Variants in JMJD1C observed in about 807,000 individuals in gnomAD.
The protein encoded by JMJD1C is jumonji domain containing 1C, also known as jumonji domain-containing protein 1C.
In JMJD1C, 31 loss-of-function variants were observed where a neutral mutation model predicts 245.3. The ratio of observed to expected loss-of-function variants is 0.13; its 90% CI spans 0.09 to 0.17. The LOEUF is 0.17. Ranked by LOEUF, JMJD1C falls within the 10% of genes least tolerant of loss-of-function variation. The pLI is 1.00. For missense variants in JMJD1C, 2,691 were observed against 3,000.2 expected, an observed-to-expected ratio of 0.90 and a Z score of 2.41; for synonymous variants, 1,057 against 1,017.4, an observed-to-expected ratio of 1.04 and a Z score of -0.74.
At chr10:63,367,438 G>C (rs1174706517) in intron 2 of JMJD1C, among the ~76,000 whole-genome samples, 2 of 151,980 alleles carry the variant, frequency 1.3e-5, no homozygotes, top group Non-Finnish European at 2.9e-5. Flanking sequence ...GAGAGATGGG[G>C]TTTCTCCATG....
chr10:63,363,484 A>G (rs977733446), intron 2 of JMJD1C, among the ~76,000 whole-genome samples: 6 of 151,544 alleles, frequency 4.0e-5, no homozygotes, highest in African/African-American at 1.5e-4. Flanking sequence ...CTGAGAACTC[A>G]TGAGTTCAGG....
At chr10:63,500,358 G>A (rs917374550) in intron 1 of JMJD1C, among the ~76,000 whole-genome samples, 1 of 151,888 alleles carries the variant, frequency 6.6e-6, no homozygotes, top group Non-Finnish European at 1.5e-5. Flanking sequence ...AGGAAGCAGA[G>A]GTTGCAATGA....
rs1287252081 is a variant in JMJD1C, at chr10:63,213,744, A to G, written c.2423T>C (p.Leu808Ser). The change falls in exon 8 of 26, where the codon TTA becomes TCA. Residue 808 changes from leucine to serine, a missense_variant. Physicochemically the swap from Leu to Ser is moderately radical, Grantham distance 145. Around this residue, in one of 9 missense-constraint regions of JMJD1C, gnomAD observed 1,562 missense variants for 1,490.7 expected, o/e 1.05. Transcript: ENST00000399262. ...CTCTAGTCGTGGGTGGCCACCAAGT[A>G]AGGAGGCAGTAGGCACTCCAGGTAA... The part of the protein sequence containing the change: ...TVLPGVPTAS[L>S]LGGHPRLESA... The G allele has an allele frequency of 4.3e-6, 7 of 1,614,024 alleles. No individual in the cohort carries two copies. Among genetic ancestry groups the G allele is most frequent in the African/African-American group, 2.7e-5 (2 of 74,936 alleles).
intron 2 of JMJD1C, among the ~76,000 whole-genome samples, chr10:63,346,971 T>C (rs1453316624): frequency 6.6e-6 from 1 of 151,996 alleles, no homozygotes; most frequent in Non-Finnish European, 1.5e-5. Flanking sequence ...CGGCCCTCCA[T>C]GATACATATT....
chr10:63,304,740 C>T (rs554664346), intron 2 of JMJD1C, among the ~76,000 whole-genome samples: 104 of 152,264 alleles, frequency 6.8e-4, no homozygotes, highest in Middle Eastern at 3.4e-3. Context: ...ATTGCTTTTA[C>T]TCTCTTTTAA....
chr10:63,247,732 A>AAG (rs1175257102), intron 3 of JMJD1C, among the ~76,000 whole-genome samples: 11 of 151,512 alleles, frequency 7.3e-5, no homozygotes, highest in Non-Finnish European at 1.6e-4. Flanking sequence ...AAAAAAAAAA[A>AAG]AAAAAAGAAA....
intron 15 of JMJD1C, 76 bp downstream of exon 15, chr10:63,193,269 C>G (rs1381308615): frequency 1.3e-6 from 2 of 1,506,574 alleles, no homozygotes; most frequent in East Asian, 4.5e-5. Flanking sequence ...AAGTCCTAAA[C>G]CAAATTTCAA....
At chr10:63,228,911 T>A (rs1849632814) in intron 3 of JMJD1C, among the ~76,000 whole-genome samples, 1 of 152,188 alleles carries the variant, frequency 6.6e-6, no homozygotes, top group Non-Finnish European at 1.5e-5. Context: ...GATTTTAATG[T>A]ACATAATTTA....
At chr10:63,416,853 TAAA>T (rs1317747378) in intron 1 of JMJD1C, among the ~76,000 whole-genome samples, 1 of 152,190 alleles carries the variant, frequency 6.6e-6, no homozygotes, top group Non-Finnish European at 1.5e-5. Context: ...TTTCCTTTGG[TAAA>T]AACTAAACAA....
At chr10:63,245,521 C>A (rs990547834) in intron 3 of JMJD1C, among the ~76,000 whole-genome samples, 1 of 113,258 alleles carries the variant, frequency 8.8e-6, no homozygotes, top group African/African-American at 3.5e-5. Flanking sequence ...TTGCTCTTGT[C>A]CCCCAGGCTG....
At chr10:63,272,782 A>G (rs1338530647) in intron 2 of JMJD1C, among the ~76,000 whole-genome samples, 2 of 152,228 alleles carry the variant, frequency 1.3e-5, no homozygotes, top group African/African-American at 2.4e-5. Context: ...TCCCCAATTT[A>G]TTGTACATTA....
intron 2 of JMJD1C, among the ~76,000 whole-genome samples, chr10:63,294,370 C>T (rs1466551571): frequency 1.3e-5 from 2 of 151,774 alleles, no homozygotes; most frequent in Admixed American, 6.6e-5. Flanking sequence ...CTGTAACCTC[C>T]GCCTCCAGGG....
rs540553257 is a variant in JMJD1C at position 63,447,591 on chromosome 10, A to G, written c.168+17904T>C. Among the ~76,000 whole-genome samples, 3 of 152,330 alleles carry G rather than the reference A, an allele frequency of 2.0e-5. No homozygotes were observed. In the South Asian group the frequency reaches 6.2e-4, roughly 32 times the overall value. ...ACTCTAACATGAATCATAATATTCC[A>G]AATTACTTAGATGGACAGAAATAAT... On this transcript the variant is annotated intron_variant, in intron 1 of 25. Transcript: ENST00000399262.
chr10:63,335,032 A>T (rs548514784), intron 2 of JMJD1C, among the ~76,000 whole-genome samples: 12 of 143,206 alleles, frequency 8.4e-5, no homozygotes, highest in East Asian at 2.1e-4. Context: ...GGAAAAAAAT[A>T]AAAAAAAAAA....
At chr10:63,448,891 C>A (rs115059995) in intron 1 of JMJD1C, among the ~76,000 whole-genome samples, 2,761 of 152,092 alleles carry the variant, frequency 0.018, 77 homozygotes, top group African/African-American at 0.063. Flanking sequence ...CAGAGGTGGG[C>A]GAATCACCTG....
At chr10:63,382,219 C>T (rs948800515) in intron 1 of JMJD1C, among the ~76,000 whole-genome samples, 1 of 152,088 alleles carries the variant, frequency 6.6e-6, no homozygotes, top group African/African-American at 2.4e-5. Context: ...CACACACACA[C>T]AGAAGAGAGT....
At chr10:63,421,334 C>G (rs559100190) in intron 1 of JMJD1C, among the ~76,000 whole-genome samples, 3 of 151,554 alleles carry the variant, frequency 2.0e-5, no homozygotes, top group South Asian at 4.2e-4. Context: ...AACTCCGTCT[C>G]AAAAAAAAGA....
At chr10:63,234,789 A>G (rs1469796328) in intron 3 of JMJD1C, among the ~76,000 whole-genome samples, 4 of 151,118 alleles carry the variant, frequency 2.6e-5, no homozygotes, top group Non-Finnish European at 3.0e-5. Context: ...TAATAATAAA[A>G]TAAAAAATAA....
chr10:63,420,681 C>T (rs549148331), intron 1 of JMJD1C, among the ~76,000 whole-genome samples: 1 of 147,898 alleles, frequency 6.8e-6, no homozygotes, highest in South Asian at 2.1e-4. Context: ...GCCATCTTTG[C>T]CCCAGCCTGG....
Sources: allele counts gnomAD v4.1 joint callset (sites outside exome capture counted in the v4.1 genomes callset), GRCh38; gene constraint gnomAD v4.1.1; regional missense constraint gnomAD v4.1.1; transcripts MANE v1.5; gene names NCBI Gene and HGNC (gene_info 2026-07-23, HGNC 2026-07-21).